NT5DC3: variants seen among roughly 807,000 people sequenced by gnomAD.
NT5DC3 encodes the protein 5'-nucleotidase domain-containing protein 3.
In NT5DC3, 42 loss-of-function variants were observed where a neutral mutation model predicts 67.8. The observed-to-expected ratio is 0.62, with a 90% confidence interval of 0.48 to 0.80. The LOEUF is 0.80. Among genes scored for constraint, NT5DC3 ranks in the 30% least tolerant of loss-of-function variants. NT5DC3 has a pLI of 0.00. For missense variants in NT5DC3, 570 were observed against 696.4 expected, an observed-to-expected ratio of 0.82 and a Z score of 2.04; for synonymous variants, 237 against 255.6, an observed-to-expected ratio of 0.93 and a Z score of 0.69.
intron 2 of NT5DC3, 117 bp from the exon 3 acceptor site, chr12:103,807,046 T>A: frequency 3.1e-6 from 2 of 654,616 alleles, no homozygotes; most frequent in Non-Finnish European, 5.6e-6. Flanking sequence ...GAGGTTGGGG[T>A]CAGAAGGGGC....
the NT5DC3 span, among the ~76,000 whole-genome samples, chr12:103,754,018 A>G: frequency 1.3e-5 from 2 of 152,342 alleles, no homozygotes; most frequent in East Asian, 3.9e-4. Context: ...TGGAAAAGCT[A>G]GCAGGTTGGA....
At chr12:103,786,499 T>C (rs1457225811) in intron 11 of NT5DC3, among the ~76,000 whole-genome samples, 1 of 145,824 alleles carries the variant, frequency 6.9e-6, no homozygotes, top group Non-Finnish European at 1.5e-5. Context: ...GGAAATCCAG[T>C]GGGCAACCAT....
At chr12:103,800,247 TA>T (rs1363807661) in intron 4 of NT5DC3, among the ~76,000 whole-genome samples, 1 of 152,224 alleles carries the variant, frequency 6.6e-6, no homozygotes, top group Non-Finnish European at 1.5e-5. Context: ...GATTCATTAA[TA>T]TTTTGCCTCT....
At chr12:103,822,040 C>T (rs1306297261) in intron 1 of NT5DC3, 1 of 152,024 alleles carries the variant, frequency 6.6e-6, no homozygotes, top group African/African-American at 2.4e-5. Flanking sequence ...AACAAAACAC[C>T]ATGTGAGTCA....
the NT5DC3 span, among the ~76,000 whole-genome samples, chr12:103,749,788 C>T: frequency 3.8e-5 from 5 of 132,496 alleles, no homozygotes; most frequent in Non-Finnish European, 6.1e-5. Context: ...TGCAGTGAGC[C>T]GAGATCGTGC....
chr12:103,820,527 T>C (rs1486863509), intron 1 of NT5DC3, among the ~76,000 whole-genome samples: 1 of 152,170 alleles, frequency 6.6e-6, no homozygotes, highest in Admixed American at 6.5e-5. Flanking sequence ...GCTTGGAAAG[T>C]ACAATTTTTG....
In NT5DC3 at chr12:103,788,842, T is replaced by C. The variant is rs1272034019; in HGVS notation, c.1097A>G (p.Lys366Arg). 6.2e-7 allele frequency: 1 copy of C among 1,605,938 alleles called. No individual in the cohort carries two copies. The highest frequency in any genetic ancestry group is 8.5e-7 in the Non-Finnish European group (1 of 1,172,560). The stretch of plus-strand genomic sequence containing the variant: ...GATCAGCTGGTCATGAGATACCTGC[T>C]TGTATATCTGGCCTTTCTGCAACTT... ...IHKLQKGQIYKQGNLYEFLKL... is the reference protein window; with the variant it reads ...IHKLQKGQIYRQGNLYEFLKL... Residue 366 changes from lysine (K) to arginine (R), a missense_variant, in exon 10 of 14, where the codon AAG becomes AGG. Around this residue, in one of 2 missense-constraint regions of NT5DC3, gnomAD observed 466 missense variants for 608.0 expected, o/e 0.77. Transcript: ENST00000392876.
intron 2 of NT5DC3, among the ~76,000 whole-genome samples, chr12:103,812,001 G>A (rs149531655): frequency 7.6e-4 from 116 of 152,148 alleles, no homozygotes; most frequent in African/African-American, 2.6e-3. Flanking sequence ...ACTAAGGTGT[G>A]AAGCTGGGAG....
At chr12:103,779,910 A>C (rs142703705) in intron 13 of NT5DC3, among the ~76,000 whole-genome samples, 64 of 152,316 alleles carry the variant, frequency 4.2e-4, no homozygotes, top group Non-Finnish European at 8.2e-4. Flanking sequence ...AGGAGCCCTA[A>C]GAATTCATTG....
At chr12:103,793,354 C>T (rs771836787) in intron 8 of NT5DC3, 56 bp downstream of exon 8, 37 of 1,564,992 alleles carry the variant, frequency 2.4e-5, no homozygotes, top group Non-Finnish European at 3.3e-5. Context: ...GCTGCTAAAA[C>T]AAATGGGATA....
intron 2 of NT5DC3, among the ~76,000 whole-genome samples, chr12:103,807,546 A>G (rs1566115915): frequency 6.6e-6 from 1 of 152,192 alleles, no homozygotes. Flanking sequence ...CCCACCCTCC[A>G]GCTGGGCAAC....
intron 1 of NT5DC3, among the ~76,000 whole-genome samples, chr12:103,821,093 G>A (rs545957314): frequency 1.2e-4 from 18 of 152,290 alleles, no homozygotes; most frequent in South Asian, 4.1e-4. Context: ...TTCTCCTACC[G>A]TGCCTATCAT....
chr12:103,762,036 T>C, the NT5DC3 span, among the ~76,000 whole-genome samples: 1 of 152,200 alleles, frequency 6.6e-6, no homozygotes, highest in Non-Finnish European at 1.5e-5. Flanking sequence ...GCTTCACCTC[T>C]CTGTGCCCCA....
chr12:103,748,453 C>T, the NT5DC3 span, among the ~76,000 whole-genome samples: 1 of 152,110 alleles, frequency 6.6e-6, no homozygotes, highest in African/African-American at 2.4e-5. Flanking sequence ...GGGTTTAAAT[C>T]TTCAGCCAGG....
Position 103,780,383 on chromosome 12 carries a change from T to C in NT5DC3, c.1330-19A>G. 6.2e-7 allele frequency: 1 copy of C among 1,610,026 alleles called. No individual in the cohort carries two copies. Among genetic ancestry groups the C allele is most frequent in the South Asian group, 1.1e-5 (1 of 90,978 alleles). On this transcript the variant is annotated intron_variant, in intron 12 of 13. Transcript: ENST00000392876. ...TGTGAACCTGTAGGACACAAGTCAA[T>C]TATTACAACTGTTTTGATTTCAAAT...
intron 6 of NT5DC3, among the ~76,000 whole-genome samples, chr12:103,794,678 T>G (rs1886233564): frequency 6.6e-6 from 1 of 152,260 alleles, no homozygotes; most frequent in South Asian, 2.1e-4. Flanking sequence ...TTTGTGCCCT[T>G]TCTGTCCCTA....
the NT5DC3 span, chr12:103,761,451 C>G: frequency 1.9e-6 from 3 of 1,560,422 alleles, no homozygotes; most frequent in Non-Finnish European, 2.6e-6. Flanking sequence ...AGGAGGAGCC[C>G]CGGTGCCCAC....
At chr12:103,760,426 GA>G in the NT5DC3 span, among the ~76,000 whole-genome samples, 1 of 152,100 alleles carries the variant, frequency 6.6e-6, no homozygotes. Flanking sequence ...ACACTCAGCT[GA>G]TTTTTGTATT....
At chr12:103,781,245 A>C (rs1174804094) in intron 12 of NT5DC3, among the ~76,000 whole-genome samples, 1 of 152,222 alleles carries the variant, frequency 6.6e-6, no homozygotes, top group Non-Finnish European at 1.5e-5. Context: ...TAGAACCTGG[A>C]GGAAAACACC....
Sources: gnomAD v4.1 joint callset for allele counts (sites outside exome capture counted in the v4.1 genomes callset) on GRCh38, gnomAD v4.1.1 for gene constraint, gnomAD v4.1.1 regional missense constraint, MANE v1.5 for transcripts, NCBI Gene and HGNC (gene_info 2026-07-23, HGNC 2026-07-21) for gene names.